KIAA1328: variants seen among roughly 807,000 people sequenced by gnomAD.
The protein encoded by KIAA1328 is protein hinderin.
In KIAA1328, 52 loss-of-function variants were observed where a neutral mutation model predicts 68.1. That is an observed-to-expected ratio of 0.76 (90% confidence interval 0.61 to 0.96). The LOEUF (loss-of-function observed/expected upper bound fraction) is 0.96. Among genes scored for constraint, KIAA1328 ranks in the 40% least tolerant of loss-of-function variants. KIAA1328 has a pLI of 0.00. For synonymous variants in KIAA1328, 232 were observed against 239.4 expected (o/e 0.97, Z 0.28); for missense variants, 641 against 677.6 (o/e 0.95, Z 0.60).
At chr18:37,039,396 G>T (rs1432324011) in intron 6 of KIAA1328, among the ~76,000 whole-genome samples, 1 of 143,900 alleles carries the variant, frequency 6.9e-6, no homozygotes, top group African/African-American at 2.5e-5. Context: ...TTGAGGTTCT[G>T]TTAGGTTTTG....
chr18:37,050,865 A>T (rs1016425617), intron 6 of KIAA1328, among the ~76,000 whole-genome samples: 8 of 152,178 alleles, frequency 5.3e-5, no homozygotes, highest in Non-Finnish European at 8.8e-5. Context: ...ATGATTTCTC[A>T]TCTAGCCTTT....
chr18:37,102,069 C>G (rs548001060), intron 7 of KIAA1328, among the ~76,000 whole-genome samples: 2 of 152,224 alleles, frequency 1.3e-5, no homozygotes, highest in South Asian at 4.1e-4. Context: ...AAATTACAGA[C>G]CATTAATCTT....
At chr18:37,097,633 G>A (rs2057454602) in intron 7 of KIAA1328, among the ~76,000 whole-genome samples, 1 of 152,148 alleles carries the variant, frequency 6.6e-6, no homozygotes, top group African/African-American at 2.4e-5. Context: ...AGCTTGATGG[G>A]AATGGCATTG....
chr18:36,873,385 C>A (rs2048012667), intron 4 of KIAA1328, among the ~76,000 whole-genome samples: 1 of 152,174 alleles, frequency 6.6e-6, no homozygotes, highest in African/African-American at 2.4e-5. Flanking sequence ...AACATGTTTT[C>A]AGGGCCTCTC....
chr18:37,072,299 C>CT lies in KIAA1328; in HGVS notation c.1232+4765dup, dbSNP rs56906463. Reference sequence around the variant, plus strand: ...ATAGGATTCTGAGTTGACAGGGTTGCTTTTTTTTTTTCTATCAGCACTTGA... The same window carrying CT: ...ATAGGATTCTGAGTTGACAGGGTTGCTTTTTTTTTTTTCTATCAGCACTTGA... On this transcript the variant is annotated intron_variant, in intron 7 of 9. Transcript: ENST00000280020. Among the ~76,000 whole-genome samples, 96 of 147,072 alleles carry CT rather than the reference C, an allele frequency of 6.5e-4. 1 individual carries two copies. Among genetic ancestry groups the CT allele is most frequent in the Admixed American group, 6.7e-4 (10 of 14,818 alleles).
At chr18:37,002,228 C>CTTTTTTTTTTTTTTTTTT (rs145948250) in intron 6 of KIAA1328, among the ~76,000 whole-genome samples, 4 of 95,160 alleles carry the variant, frequency 4.2e-5, no homozygotes, top group Non-Finnish European at 4.3e-5. Flanking sequence ...ATTTTTTTTT[C>CTTTTTTTTTTTTTTTTTT]TTTTTTTTTT....
chr18:37,016,881 C>T (rs1254829051), intron 6 of KIAA1328, among the ~76,000 whole-genome samples: 1 of 152,102 alleles, frequency 6.6e-6, no homozygotes, highest in Non-Finnish European at 1.5e-5. Flanking sequence ...ATCTAGCTAA[C>T]ATTCTACCAA....
chr18:37,203,055 CTT>C (rs1178760392), intron 9 of KIAA1328, among the ~76,000 whole-genome samples: 3 of 142,352 alleles, frequency 2.1e-5, no homozygotes, highest in African/African-American at 2.6e-5. Flanking sequence ...CCCCCTTTTC[CTT>C]TTTTTTTTTT....
chr18:37,226,797 C>T (rs139141044), downstream of KIAA1328, among the ~76,000 whole-genome samples: 27 of 115,038 alleles, frequency 2.3e-4, no homozygotes, highest in African/African-American at 9.1e-4. Flanking sequence ...GACAGAGTTT[C>T]GTTCTTGTTG....
At chr18:37,211,919 A>G (rs562620952) in intron 9 of KIAA1328, among the ~76,000 whole-genome samples, 60 of 152,264 alleles carry the variant, frequency 3.9e-4, no homozygotes, top group African/African-American at 1.4e-3. Flanking sequence ...CTGTTTCCCA[A>G]TTATTTTGGC....
chr18:37,093,387 C>T (rs1268649838), intron 7 of KIAA1328, among the ~76,000 whole-genome samples: 2 of 152,102 alleles, frequency 1.3e-5, no homozygotes, highest in South Asian at 4.1e-4. Context: ...TACAGACAAA[C>T]ATACAAAGAA....
intron 7 of KIAA1328, among the ~76,000 whole-genome samples, chr18:37,150,526 T>C (rs988361566): frequency 9.9e-5 from 15 of 151,076 alleles, no homozygotes; most frequent in Non-Finnish European, 1.5e-5. Context: ...GAAAAGAAAA[T>C]GACAGGCCGG....
intron 6 of KIAA1328, among the ~76,000 whole-genome samples, chr18:36,974,526 TTTTC>T (rs2052383560): frequency 6.6e-6 from 1 of 152,192 alleles, no homozygotes; most frequent in African/African-American, 2.4e-5. Flanking sequence ...ATATACCACA[TTTTC>T]TTTTTCTAAT....
At chr18:36,925,602 T>G (rs1478323260) in intron 5 of KIAA1328, among the ~76,000 whole-genome samples, 2 of 152,018 alleles carry the variant, frequency 1.3e-5, no homozygotes, top group African/African-American at 4.8e-5. Flanking sequence ...AGTGGTGCCA[T>G]CAATGGCTCA....
At chr18:36,877,514 G>GTTTTTTTTTTTTTT (rs34759198) in intron 4 of KIAA1328, among the ~76,000 whole-genome samples, 1 of 119,172 alleles carries the variant, frequency 8.4e-6, no homozygotes, top group African/African-American at 3.0e-5. Flanking sequence ...TTTTTTGTTG[G>GTTTTTTTTTTTTTT]TTTTTTTTTT....
At chr18:36,880,416 T>G (rs1315741338) in intron 4 of KIAA1328, among the ~76,000 whole-genome samples, 1 of 152,224 alleles carries the variant, frequency 6.6e-6, no homozygotes, top group Non-Finnish European at 1.5e-5. Context: ...ATCCCCCACC[T>G]TCTGCGTTGG....
chr18:36,851,114 A>G (rs1568076196), intron 4 of KIAA1328, among the ~76,000 whole-genome samples: 1 of 152,010 alleles, frequency 6.6e-6, no homozygotes, highest in Non-Finnish European at 1.5e-5. Flanking sequence ...TATTACATTG[A>G]TTAATTTTCT....
At chr18:37,104,895 C>T (rs1218263218) in intron 7 of KIAA1328, among the ~76,000 whole-genome samples, 1 of 152,036 alleles carries the variant, frequency 6.6e-6, no homozygotes, top group East Asian at 1.9e-4. Flanking sequence ...ATTACTAGAG[C>T]CATTTTGGAG....
At chr18:36,999,341 A>G (rs1244425675) in intron 6 of KIAA1328, among the ~76,000 whole-genome samples, 2 of 152,216 alleles carry the variant, frequency 1.3e-5, no homozygotes, top group Non-Finnish European at 2.9e-5. Flanking sequence ...AAGGATTAGA[A>G]AACCTATTTG....
Sources: allele counts gnomAD v4.1 joint callset (sites outside exome capture counted in the v4.1 genomes callset), GRCh38; gene constraint gnomAD v4.1.1; transcripts MANE v1.5; gene names NCBI Gene and HGNC (gene_info 2026-07-23, HGNC 2026-07-21).